IGSF3: variants seen among roughly 807,000 people sequenced by gnomAD.
IGSF3 encodes immunoglobulin superfamily member 3.
A neutral mutation model predicts 114.4 loss-of-function variants in IGSF3; 23 were observed. That is an observed-to-expected ratio of 0.20 (90% CI 0.14 to 0.28). The LOEUF (loss-of-function observed/expected upper bound fraction) is 0.28. Ranked by LOEUF, IGSF3 falls within the 10% of genes least tolerant of loss-of-function variation. The pLI is 1.00. For missense variants in IGSF3, 1,172 were observed against 1,591.5 expected, an observed-to-expected ratio of 0.74 and a Z score of 4.48; for synonymous variants, 571 against 645.2, an observed-to-expected ratio of 0.88 and a Z score of 1.74.
rs763981191 is a variant in IGSF3 at position 116,588,681 on chromosome 1, C to T, written c.2440+13G>A. The T allele has an allele frequency of 3.0e-5, 46 of 1,556,722 alleles. 1 individual carries two copies. In the South Asian group the frequency reaches 4.7e-4, roughly 16 times the overall value. On this transcript the variant is annotated intron_variant, in intron 8 of 10. Transcript: ENST00000369486. The surrounding 1 kb of genome is among the most constrained non-coding windows in gnomAD (Gnocchi z 4.9). ...ACCCACTGGCCCAGGACAGCCGTGC[C>T]CTGCGGCCTTACCTGGCTGTTTCAC...
intron 2 of IGSF3, among the ~76,000 whole-genome samples, chr1:116,640,884 A>T (rs185038505): frequency 1.4e-3 from 208 of 152,380 alleles, no homozygotes; most frequent in Non-Finnish European, 2.4e-3. Flanking sequence ...CAACCTTGGT[A>T]CTATTTGACT....
At position 116,633,629 on chromosome 1, in the gene IGSF3, C is replaced by A. The variant is rs1202294999; in HGVS notation, c.44-17172G>T. Among the ~76,000 whole-genome samples, 1 of 152,152 alleles carries A rather than the reference C, an allele frequency of 6.6e-6. No individual in the cohort carries two copies. Among genetic ancestry groups the A allele is most frequent in the Non-Finnish European group, 1.5e-5 (1 of 68,032 alleles). ...TTCTTTCAGCTTTGGAGCCCCCTTC[C>A]CTCTGTCTCTGTATGGGGCAGCTTT... On this transcript the variant is annotated intron_variant, in intron 2 of 10. Transcript: ENST00000369486. The surrounding 1 kb of genome is among the most constrained non-coding windows in gnomAD (Gnocchi z 4.3).
At chr1:116,622,785 A>G (rs150812668) in intron 2 of IGSF3, among the ~76,000 whole-genome samples, 253 of 152,358 alleles carry the variant, frequency 1.7e-3, no homozygotes, top group African/African-American at 5.3e-3. Context: ...TTTCAAGGTT[A>G]AGTAAACTTC....
In IGSF3 at chr1:116,644,635, C is replaced by T. The variant is rs1648253358; in HGVS notation, c.43+21649G>A. 6.6e-6 allele frequency among the ~76,000 whole-genome samples: 1 copy of T among 152,266 alleles called. No individual in the cohort carries two copies. Among genetic ancestry groups the T allele is most frequent in the Non-Finnish European group, 1.5e-5 (1 of 68,024 alleles). On this transcript the variant is annotated intron_variant, in intron 2 of 10. Coordinates refer to ENST00000369486, the MANE Select transcript of IGSF3 (RefSeq NM_001007237.3). This position sits in a 1 kb window ranked among gnomAD's most constrained non-coding sequence, Gnocchi z 5.6. ...CCCACAGGTGAATCTTAATTATGAA[C>T]CAAGGTGACAGCAGAGAGGATGGGC...
intron 7 of IGSF3, among the ~76,000 whole-genome samples, chr1:116,591,882 C>A (rs1366747366): frequency 6.6e-6 from 1 of 152,230 alleles, no homozygotes; most frequent in African/African-American, 2.4e-5. Context: ...AAAATAAGAA[C>A]AATGTCTCTA....
rs555502638 is a variant in IGSF3 at position 116,596,759 on chromosome 1, T to C, written c.2029+3182A>G. On this transcript the variant is annotated intron_variant, in intron 7 of 10. Transcript: ENST00000369486. This position sits in a 1 kb window ranked among gnomAD's most constrained non-coding sequence, Gnocchi z 4.1. Reference sequence around the variant, plus strand: ...AAACTGCCTGTCTGGACTTGAATCCTGGCTCTGCCACTTACTATGGCACAC... The same window carrying C: ...AAACTGCCTGTCTGGACTTGAATCCCGGCTCTGCCACTTACTATGGCACAC... Among the ~76,000 whole-genome samples the C allele has an allele frequency of 2.0e-5, 3 of 152,356 alleles. No individual in the cohort carries two copies. The South Asian group carries it at 6.2e-4, about 32-fold the overall frequency.
rs1211403763 is a variant in IGSF3 at position 116,593,642 on chromosome 1, G to C, written c.2030-4538C>G. On this transcript the variant is annotated intron_variant, in intron 7 of 10. Coordinates refer to ENST00000369486, the MANE Select transcript of IGSF3 (RefSeq NM_001007237.3). This position sits in a 1 kb window ranked among gnomAD's most constrained non-coding sequence, Gnocchi z 4.5. ...CTCTCCACATGACCATTCCCTATTTGGGCCCTCAATGATCTCTTTCTCAGG... is the reference window on the plus strand; with the variant it reads ...CTCTCCACATGACCATTCCCTATTTCGGCCCTCAATGATCTCTTTCTCAGG... Among the ~76,000 whole-genome samples the C allele has an allele frequency of 1.3e-5, 2 of 151,972 alleles. No individual in the cohort carries two copies. Among genetic ancestry groups the C allele is most frequent in the Non-Finnish European group, 2.9e-5 (2 of 68,028 alleles).
chr1:116,652,910 C>T lies in IGSF3; in HGVS notation c.43+13374G>A, dbSNP rs151112018. On this transcript the variant is annotated intron_variant, in intron 2 of 10. Coordinates refer to ENST00000369486, the MANE Select transcript of IGSF3 (RefSeq NM_001007237.3). Reference sequence around the variant, plus strand: ...CCTGCCATTGTTCTCTGTACCCGTACGGAGATTTAGTAACACACTGGTCAC... The same window carrying T: ...CCTGCCATTGTTCTCTGTACCCGTATGGAGATTTAGTAACACACTGGTCAC... Among the ~76,000 whole-genome samples the T allele has an allele frequency of 6.5e-3, 984 of 152,282 alleles. 13 individuals are homozygous for T. The highest frequency in any genetic ancestry group is 0.022 in the African/African-American group (919 of 41,558).
rs1303919369 is a variant in IGSF3, at chr1:116,595,004, C to T, written c.2029+4937G>A. 1.3e-5 allele frequency among the ~76,000 whole-genome samples: 2 copies of T among 152,154 alleles called. No homozygotes were observed. Among genetic ancestry groups the T allele is most frequent in the African/African-American group, 2.4e-5 (1 of 41,420 alleles). ...CCTAGGCCTGCTGCCTCCCACAGAG[C>T]CCGCAAGGCAGGAACGTGACACACC... On this transcript the variant is annotated intron_variant, in intron 7 of 10. Coordinates refer to ENST00000369486, the MANE Select transcript of IGSF3 (RefSeq NM_001007237.3). This position sits in a 1 kb window ranked among gnomAD's most constrained non-coding sequence, Gnocchi z 4.2.
intron 6 of IGSF3, among the ~76,000 whole-genome samples, chr1:116,601,756 G>C (rs535125888): frequency 1.3e-5 from 2 of 152,214 alleles, no homozygotes; most frequent in Non-Finnish European, 2.9e-5. Context: ...TGACACGGAG[G>C]CCCATCCTTA....
At chr1:116,635,015 A>G (rs964830077) in intron 2 of IGSF3, among the ~76,000 whole-genome samples, 3 of 152,210 alleles carry the variant, frequency 2.0e-5, no homozygotes, top group African/African-American at 7.2e-5. Flanking sequence ...ACCCCATGAA[A>G]GACTGAGCCA....
rs1275302063 is a variant in IGSF3, at chr1:116,603,369, C to T, written c.1624+255G>A. Among the ~76,000 whole-genome samples, 2 of 152,226 alleles carry T rather than the reference C, an allele frequency of 1.3e-5. No individual in the cohort carries two copies. Among genetic ancestry groups the T allele is most frequent in the African/African-American group, 4.8e-5 (2 of 41,442 alleles). On this transcript the variant is annotated intron_variant, in intron 6 of 10. Coordinates refer to ENST00000369486, the MANE Select transcript of IGSF3 (RefSeq NM_001007237.3). This position sits in a 1 kb window ranked among gnomAD's most constrained non-coding sequence, Gnocchi z 7.1. ...CTCCCAGCCAGACTAGGAGTAGTCA[C>T]AGCTCCCAGCTATTGCTATCCCTCA...
intron 2 of IGSF3, among the ~76,000 whole-genome samples, chr1:116,641,422 G>T (rs12124949): frequency 6.9e-6 from 1 of 145,322 alleles, no homozygotes; most frequent in African/African-American, 2.6e-5. Context: ...CTTGGACCCA[G>T]GAGGCAGAGG....
chr1:116,617,485 T>C (rs1055053300), intron 2 of IGSF3: 111 of 280,356 alleles, frequency 4.0e-4, no homozygotes, highest in Non-Finnish European at 5.9e-4. Context: ...GGTTGTGTCA[T>C]CTCAGACAAC....
intron 2 of IGSF3, among the ~76,000 whole-genome samples, chr1:116,619,161 A>G (rs1450740292): frequency 6.6e-6 from 1 of 152,224 alleles, no homozygotes; most frequent in African/African-American, 2.4e-5. Context: ...TCTCTTTGGT[A>G]GAGACCCAAT....
At chr1:116,599,389 T>TACACACACACACAC (rs1156653211) in intron 7 of IGSF3, among the ~76,000 whole-genome samples, 11 of 120,518 alleles carry the variant, frequency 9.1e-5, no homozygotes, top group African/African-American at 4.5e-4. Context: ...GACACATACA[T>TACACACACACACAC]ATACACACAC....
At position 116,588,554 on chromosome 1, in the gene IGSF3, T is replaced by C. The variant is rs1173961818; in HGVS notation, c.2440+140A>G. 2 of 747,804 alleles carry C rather than the reference T, an allele frequency of 2.7e-6. No homozygotes were observed. The highest frequency in any genetic ancestry group is 1.9e-5 in the South Asian group (1 of 53,176). 46.3% of individuals were successfully genotyped at this position (747,804 alleles called of 1,614,324 possible). A position where few individuals can be genotyped will look rare whatever the true frequency, so the allele number is the denominator to read the frequency against. On this transcript the variant is annotated intron_variant, in intron 8 of 10. Transcript: ENST00000369486. The surrounding 1 kb of genome is among the most constrained non-coding windows in gnomAD (Gnocchi z 4.9). ...ATGGGATTGCAGTGTGCTAGGGTGA[T>C]GGTCCGTGTACCTGCACCCATACTC...
intron 2 of IGSF3, among the ~76,000 whole-genome samples, chr1:116,639,979 G>A (rs1648010259): frequency 6.8e-6 from 1 of 147,444 alleles, no homozygotes; most frequent in South Asian, 2.1e-4. Context: ...GACAGAGGTT[G>A]CAATGAGCCG....
intron 2 of IGSF3, among the ~76,000 whole-genome samples, chr1:116,646,054 G>A (rs918650174): frequency 2.0e-5 from 3 of 152,232 alleles, no homozygotes; most frequent in African/African-American, 7.2e-5. Context: ...GTGGCCTCAG[G>A]CCTCTCACTT....
Sources: allele counts gnomAD v4.1 joint callset (sites outside exome capture counted in the v4.1 genomes callset), GRCh38; gene constraint gnomAD v4.1.1; non-coding constraint Gnocchi (gnomAD v3.1); transcripts MANE v1.5; gene names NCBI Gene and HGNC (gene_info 2026-07-23, HGNC 2026-07-21).